The following RHPN2 variants were observed in gnomAD, a reference collection of about 807,000 sequenced individuals.
RHPN2 encodes rhophilin-2.
RHPN2 carries 40 observed loss-of-function variants against 79.0 expected under a neutral mutation model. That is an observed-to-expected ratio of 0.51 (90% CI 0.39 to 0.66). The LOEUF (loss-of-function observed/expected upper bound fraction) is 0.66, where lower values mean the gene tolerates loss of function less well. RHPN2 is among the 30% of genes least tolerant of loss of function. The pLI is 0.00. For missense variants in RHPN2, 686 were observed against 883.5 expected (o/e 0.78, Z 2.83); for synonymous variants, 285 against 363.5 (o/e 0.78, Z 2.46).
At chr19:32,993,413 G>C (rs1246409126) in intron 12 of RHPN2, among the ~76,000 whole-genome samples, 6 of 152,140 alleles carry the variant, frequency 3.9e-5, no homozygotes, top group Admixed American at 6.6e-5. Context: ...GGCGGAGGCT[G>C]CAGTGAGCTG....
intron 1 of RHPN2, among the ~76,000 whole-genome samples, chr19:33,064,290 C>G (rs1972307151): frequency 6.6e-6 from 1 of 152,018 alleles, no homozygotes; most frequent in Non-Finnish European, 1.5e-5. Context: ...GCTATAATCG[C>G]GCCACTCTAC....
intron 2 of RHPN2, among the ~76,000 whole-genome samples, chr19:33,039,772 A>T (rs1972085780): frequency 6.6e-6 from 1 of 151,612 alleles, no homozygotes; most frequent in South Asian, 2.1e-4. Context: ...TGGGAGGCAG[A>T]GGTTGCAGTG....
At chr19:32,996,277 G>A (rs1971701365) in intron 10 of RHPN2, 57 bp from the exon 11 acceptor site, 5 of 1,574,572 alleles carry the variant, frequency 3.2e-6, no homozygotes, top group South Asian at 2.2e-5. Context: ...AGAGCATAAA[G>A]GCCCAAGGGG....
chr19:32,987,358 C>CTAA (rs1971619882), intron 14 of RHPN2, among the ~76,000 whole-genome samples: 1 of 152,172 alleles, frequency 6.6e-6, no homozygotes, highest in African/African-American at 2.4e-5. Flanking sequence ...CTATGCTGAG[C>CTAA]ATTTTATATC....
intron 1 of RHPN2, among the ~76,000 whole-genome samples, chr19:33,058,551 G>A (rs575944745): frequency 2.0e-5 from 3 of 152,272 alleles, no homozygotes; most frequent in East Asian, 3.9e-4. Context: ...GGAGGCCGAG[G>A]CAGGTGGATT....
At chr19:33,026,442 CCCTG>C in intron 3 of RHPN2, 58 bp downstream of exon 3, 1 of 1,591,732 alleles carries the variant, frequency 6.3e-7, no homozygotes, top group Non-Finnish European at 8.5e-7. Context: ...TTGTGCAGCA[CCCTG>C]GATGTACGAA....
rs1972054575 is a variant in RHPN2, at chr19:33,036,211, G to A, written c.185+8038C>T. ...ATTTTTTTTTTTTTTTTTGGTGACG[G>A]GAGTCTTGCTGTGTTGCCCAGGCTG... On this transcript the variant is annotated intron_variant, in intron 2 of 14. Coordinates refer to ENST00000254260, the MANE Select transcript of RHPN2 (RefSeq NM_033103.5). Among the ~76,000 whole-genome samples the A allele has an allele frequency of 2.0e-5, 3 of 149,286 alleles. No homozygotes were observed. The South Asian group carries it at 6.3e-4, about 31-fold the overall frequency.
At chr19:33,001,914 T>C (rs113241269) in intron 9 of RHPN2, among the ~76,000 whole-genome samples, 2,850 of 152,264 alleles carry the variant, frequency 0.019, 77 homozygotes, top group African/African-American at 0.065. Context: ...TGCATTAATT[T>C]TGATTCTTTT....
chr19:32,990,336 A>C lies in RHPN2; in HGVS notation c.1800+178T>G, dbSNP rs1271051778. On this transcript the variant is annotated intron_variant, in intron 14 of 14. Transcript: ENST00000254260. ...TGTCTTTAAAAAGAAAAAGTTTGCC[A>C]ATTTTCTCTTTGACCCAAGGTGAGC... 24 of 725,416 alleles carry C rather than the reference A, an allele frequency of 3.3e-5. No individual in the cohort carries two copies. The Admixed American group carries it at 5.2e-4, about 16-fold the overall frequency. The allele number at this position is 725,416 out of a possible 1,614,324, so 44.9% of individuals were successfully genotyped here.
Position 32,990,615 on chromosome 19 carries a change from T to C in RHPN2, c.1699A>G (p.Lys567Glu). 6.2e-7 allele frequency: 1 copy of C among 1,613,872 alleles called. No homozygotes were observed. The highest frequency in any genetic ancestry group is 8.5e-7 in the Non-Finnish European group (1 of 1,179,838). Residue 567 changes from lysine to glutamate, a missense_variant, in exon 14 of 15, where the codon AAG becomes GAG. Lys to Glu is a moderately conservative substitution (Grantham distance 56). Coordinates refer to ENST00000254260, the MANE Select transcript of RHPN2 (RefSeq NM_033103.5). ...YIVSIQLVDCKWLTLSEVMKL... is the reference protein window; with the variant it reads ...YIVSIQLVDCEWLTLSEVMKL... ...ATAACCTCACTCAGCGTCAGCCACT[T>C]ACAATCCACAAGCTGAATGGAGACA...
chr19:33,060,269 C>T (rs1355086937), intron 1 of RHPN2, among the ~76,000 whole-genome samples: 1 of 152,158 alleles, frequency 6.6e-6, no homozygotes, highest in Non-Finnish European at 1.5e-5. Context: ...CCTCAGCCTC[C>T]TGAGTAGGTG....
At chr19:33,062,447 G>A (rs1190391451) in intron 1 of RHPN2, among the ~76,000 whole-genome samples, 1 of 150,924 alleles carries the variant, frequency 6.6e-6, no homozygotes, top group Non-Finnish European at 1.5e-5. Flanking sequence ...GGGTGACAGA[G>A]CGAGACTCCA....
At chr19:32,988,865 C>T (rs1363000465) in intron 14 of RHPN2, among the ~76,000 whole-genome samples, 1 of 152,158 alleles carries the variant, frequency 6.6e-6, no homozygotes, top group African/African-American at 2.4e-5. Flanking sequence ...TTATCAAAAT[C>T]CTGAACATTT....
chr19:33,042,039 A>G (rs1269899411), intron 2 of RHPN2, among the ~76,000 whole-genome samples: 1 of 152,112 alleles, frequency 6.6e-6, no homozygotes. Flanking sequence ...AAAAAATTCA[A>G]TTAGCCAGGT....
intron 9 of RHPN2, among the ~76,000 whole-genome samples, chr19:33,000,608 G>A (rs1175513256): frequency 6.6e-6 from 1 of 151,958 alleles, no homozygotes; most frequent in South Asian, 2.1e-4. Context: ...TGTCATGCCC[G>A]GCCTGCACCC....
At chr19:33,017,685 T>C (rs1477329271) in intron 4 of RHPN2, among the ~76,000 whole-genome samples, 1 of 132,418 alleles carries the variant, frequency 7.6e-6, no homozygotes, top group Admixed American at 8.8e-5. Flanking sequence ...GGCATCATAG[T>C]GAGGAGACCC....
intron 14 of RHPN2, among the ~76,000 whole-genome samples, chr19:32,985,127 T>C (rs1758624207): frequency 6.6e-6 from 1 of 151,828 alleles, no homozygotes; most frequent in Non-Finnish European, 1.5e-5. Flanking sequence ...GCCTCCCAAG[T>C]AGCTGGGATT....
At chr19:33,008,750 AC>A (rs1163504749) in intron 6 of RHPN2, among the ~76,000 whole-genome samples, 4 of 152,078 alleles carry the variant, frequency 2.6e-5, no homozygotes, top group African/African-American at 9.7e-5. Context: ...AGCCTGGGCG[AC>A]AACAACAACA....
At chr19:33,013,172 G>A (rs768383647) in intron 4 of RHPN2, among the ~76,000 whole-genome samples, 5 of 144,136 alleles carry the variant, frequency 3.5e-5, no homozygotes, top group East Asian at 2.1e-4. Flanking sequence ...CACCGTGCCC[G>A]GCCATAGTTT....
Sources: gnomAD v4.1 joint callset for allele counts (sites outside exome capture counted in the v4.1 genomes callset) on GRCh38, gnomAD v4.1.1 for gene constraint, MANE v1.5 for transcripts, NCBI Gene and HGNC (gene_info 2026-07-23, HGNC 2026-07-21) for gene names.